PAH: variants seen among roughly 807,000 people sequenced by gnomAD.
PAH encodes phenylalanine hydroxylase, also known as phenylalanine-4-hydroxylase.
A neutral mutation model predicts 62.0 loss-of-function variants in PAH; 64 were observed. The ratio of observed to expected loss-of-function variants is 1.03; its 90% CI spans 0.84 to 1.27. PAH has a LOEUF of 1.27. PAH is among the 50% of genes most tolerant of loss of function. PAH has a pLI of 0.00. For missense variants in PAH, 579 were observed against 542.8 expected, an observed-to-expected ratio of 1.07 and a Z score of -0.66; for synonymous variants, 195 against 196.2, an observed-to-expected ratio of 0.99 and a Z score of 0.05.
intron 1 of PAH, chr12:102,958,154 G>T: frequency 1.0e-6 from 1 of 979,536 alleles, no homozygotes; most frequent in Non-Finnish European, 1.4e-6. Flanking sequence ...CTCTGTTCCT[G>T]CACCCAAGTT....
chr12:102,903,320 C>T (rs550748177), intron 2 of PAH, among the ~76,000 whole-genome samples: 4 of 148,608 alleles, frequency 2.7e-5, no homozygotes, highest in African/African-American at 7.5e-5. Context: ...GAGATCGTAC[C>T]AATGCACTGT....
chr12:102,861,836 G>C (rs1254668080), intron 5 of PAH, among the ~76,000 whole-genome samples: 2 of 152,006 alleles, frequency 1.3e-5, no homozygotes. Context: ...TTGTGGGGTT[G>C]GGGGAAGGGG....
chr12:102,895,221 G>C (rs1877450022), intron 2 of PAH, among the ~76,000 whole-genome samples: 1 of 152,204 alleles, frequency 6.6e-6, no homozygotes, highest in African/African-American at 2.4e-5. Context: ...AAATATTTAG[G>C]ACAGTGGCTG....
intron 7 of PAH, 73 bp from the exon 8 acceptor site, chr12:102,851,829 G>A (rs746946875): frequency 1.0e-5 from 11 of 1,091,812 alleles, no homozygotes; most frequent in Admixed American, 1.7e-5. Flanking sequence ...CTTTCTACAT[G>A]AGGAATGGGC....
At chr12:102,857,676 T>G (rs1309915261) in intron 5 of PAH, among the ~76,000 whole-genome samples, 3 of 152,194 alleles carry the variant, frequency 2.0e-5, no homozygotes, top group East Asian at 3.8e-4. Flanking sequence ...TATTCAACAT[T>G]CTTAAAGAAA....
At chr12:102,842,711 GTC>G (rs1253737617) in intron 11 of PAH, among the ~76,000 whole-genome samples, 1 of 152,098 alleles carries the variant, frequency 6.6e-6, no homozygotes, top group South Asian at 2.1e-4. Context: ...CCTCCCTCAT[GTC>G]TCTCTTTTCA....
chr12:102,905,213 C>G (rs1877928959), intron 2 of PAH, among the ~76,000 whole-genome samples: 1 of 152,144 alleles, frequency 6.6e-6, no homozygotes, highest in Admixed American at 6.5e-5. Flanking sequence ...CTCTTTATGT[C>G]ATAACATGGG....
chr12:102,955,085 C>A (rs117891390), upstream of PAH, among the ~76,000 whole-genome samples: 1 of 152,316 alleles, frequency 6.6e-6, no homozygotes, highest in Non-Finnish European at 1.5e-5. Flanking sequence ...ATCCCAGCAA[C>A]GACTGTCCTT....
At chr12:102,932,424 C>T (rs1410420105) in intron 1 of PAH, among the ~76,000 whole-genome samples, 1 of 152,122 alleles carries the variant, frequency 6.6e-6, no homozygotes, top group African/African-American at 2.4e-5. Context: ...GGAGAGAAGA[C>T]CCAGTTGCTT....
chr12:102,913,754 CT>C, intron 1 of PAH: 2 of 695,374 alleles, frequency 2.9e-6, no homozygotes, highest in Non-Finnish European at 5.2e-6. Context: ...AGAAAATAAA[CT>C]TAGTCTTAAA....
intron 1 of PAH, among the ~76,000 whole-genome samples, chr12:102,931,363 G>A (rs1340062715): frequency 6.6e-6 from 1 of 152,158 alleles, no homozygotes; most frequent in Non-Finnish European, 1.5e-5. Context: ...AGTGGGGTGG[G>A]TAGGTGTTAG....
rs869088873 is a variant in PAH at position 102,882,642 on chromosome 12, C to CTATATATA, written c.353-5100_353-5093dup. Among the ~76,000 whole-genome samples, 73 of 85,820 alleles carry CTATATATA rather than the reference C, an allele frequency of 8.5e-4. No homozygotes were observed. In the East Asian group the frequency reaches 0.015, roughly 18 times the overall value. The allele number at this position is 85,820 out of a possible 152,430, so 56.3% of individuals were successfully genotyped here. A position where few individuals can be genotyped will look rare whatever the true frequency, so the allele number is the denominator to read the frequency against. On this transcript the variant is annotated intron_variant, in intron 3 of 12. Transcript: ENST00000553106. ...CTGTATATATATGCATATATATACA[C>CTATATATA]TATATATATATATATATATATATAT... is the stretch of plus-strand genomic sequence containing the variant.
intron 10 of PAH, 87 bp downstream of exon 10, chr12:102,844,249 T>C (rs939625836): frequency 1.5e-5 from 14 of 922,984 alleles, no homozygotes; most frequent in Non-Finnish European, 2.5e-5. Context: ...CGGATACAAA[T>C]AGGGTTTCAA....
intron 8 of PAH, 148 bp from the exon 9 acceptor site, chr12:102,847,099 G>C: frequency 1.4e-6 from 1 of 697,832 alleles, no homozygotes; most frequent in East Asian, 2.7e-5. Flanking sequence ...AGTCTTTCCT[G>C]CCCATATGTT....
chr12:102,862,946 G>A (rs1202876936), intron 5 of PAH, among the ~76,000 whole-genome samples: 4 of 147,474 alleles, frequency 2.7e-5, no homozygotes. Context: ...CAATGATGGT[G>A]AAAAAAAAAA....
At chr12:102,944,540 T>C (rs945119064) in intron 1 of PAH, among the ~76,000 whole-genome samples, 2 of 152,250 alleles carry the variant, frequency 1.3e-5, no homozygotes, top group Admixed American at 1.3e-4. Flanking sequence ...CTTATGACTG[T>C]AATACATTCT....
chr12:102,855,029 C>T, intron 6 of PAH, 107 bp downstream of exon 6: 1 of 901,048 alleles, frequency 1.1e-6, no homozygotes, highest in East Asian at 2.5e-5. Context: ...TTCCTACAAG[C>T]ACATGCTTTC....
intron 10 of PAH, 111 bp downstream of exon 10, chr12:102,844,225 G>T: frequency 1.3e-6 from 1 of 767,014 alleles, no homozygotes; most frequent in East Asian, 2.6e-5. Flanking sequence ...GAGTTCCCAG[G>T]TTGCATATCA....
intron 1 of PAH, among the ~76,000 whole-genome samples, chr12:102,927,281 T>G (rs1018222088): frequency 4.9e-5 from 4 of 81,440 alleles, no homozygotes; most frequent in Non-Finnish European, 9.5e-5. Flanking sequence ...TTCAAAAAAG[T>G]TTTTTTTTTT....
Sources: gnomAD v4.1 joint callset for allele counts (sites outside exome capture counted in the v4.1 genomes callset) on GRCh38, gnomAD v4.1.1 for gene constraint, MANE v1.5 for transcripts, NCBI Gene and HGNC (gene_info 2026-07-23, HGNC 2026-07-21) for gene names.